Variants in DNAI3 observed in about 807,000 individuals in gnomAD.
The protein encoded by DNAI3 is WD repeat domain 63.
Under a neutral mutation model 115.5 loss-of-function variants are expected in DNAI3, and 83 were observed. That is an observed-to-expected ratio of 0.72 (90% CI 0.60 to 0.86). The LOEUF is 0.86. Ranked by LOEUF, DNAI3 falls within the 40% of genes least tolerant of loss-of-function variation. The pLI is 0.00. For missense variants in DNAI3, 1,004 were observed against 1,075.8 expected (o/e 0.93, Z 0.93); for synonymous variants, 320 against 347.0 (o/e 0.92, Z 0.86).
Position 85,132,868 on chromosome 1 carries a change from AGTCAAAAG to A in DNAI3, c.2547_2554del (p.Ser850ThrfsTer5). On this transcript the variant is annotated frameshift_variant, in exon 23 of 23. Transcript: ENST00000294664. LOFTEE classifies it low-confidence loss of function (END_TRUNC). ...TTCCCCCCCCAGAAAACATATCAGA[AGTCAAAAG>A]AACAAATGCAGGCTGAATTAAAAAT... 6.2e-7 allele frequency: 1 copy of A among 1,613,550 alleles called. No homozygotes were observed. The highest frequency in any genetic ancestry group is 8.5e-7 in the Non-Finnish European group (1 of 1,179,804).
chr1:85,119,656 C>T (rs1655933381), intron 17 of DNAI3, among the ~76,000 whole-genome samples: 1 of 152,090 alleles, frequency 6.6e-6, no homozygotes. Flanking sequence ...TTATCTGCAC[C>T]AACCTCCCTC....
In DNAI3 at chr1:85,082,387, A is replaced by G. The variant is rs1270600949; in HGVS notation, c.373A>G (p.Lys125Glu). 1 of 1,612,748 alleles carries G rather than the reference A, an allele frequency of 6.2e-7. No homozygotes were observed. The highest frequency in any genetic ancestry group is 1.7e-5 in the Admixed American group (1 of 60,008). ...TTATCTTATTGCAACTGAAGAGGGCAAAGAAAACTATTTAAATGTGAGCAA... is the reference window on the plus strand; with the variant it reads ...TTATCTTATTGCAACTGAAGAGGGCGAAGAAAACTATTTAAATGTGAGCAA... ...NFYLIATEEG[K>E]ENYLNPPEVP... Residue 125 changes from lysine (K) to glutamate (E), a missense_variant, in exon 5 of 23, where the codon AAA becomes GAA. This residue lies in a region of DNAI3 where 550 missense variants were observed against 568.1 expected (regional missense o/e 0.97). Transcript: ENST00000294664.
At chr1:85,123,134 T>G (rs1018406148) in intron 18 of DNAI3, among the ~76,000 whole-genome samples, 2 of 152,206 alleles carry the variant, frequency 1.3e-5, no homozygotes, top group African/African-American at 4.8e-5. Context: ...GTCCTGTCAA[T>G]TCTAGCTCAC....
chr1:85,091,108 G>A (rs1770691), intron 8 of DNAI3, among the ~76,000 whole-genome samples: 72,515 of 151,850 alleles, frequency 0.48, 17,686 homozygotes, highest in East Asian at 0.7. Flanking sequence ...TTTGCCACTC[G>A]CAGGAAGGAT....
At chr1:85,123,382 A>T (rs1279714511) in intron 18 of DNAI3, among the ~76,000 whole-genome samples, 1 of 152,222 alleles carries the variant, frequency 6.6e-6, no homozygotes, top group East Asian at 1.9e-4. Flanking sequence ...TACAAGGCCC[A>T]GCATGGCCTA....
At chr1:85,113,606 A>G (rs1264865145) in intron 16 of DNAI3, among the ~76,000 whole-genome samples, 1 of 152,028 alleles carries the variant, frequency 6.6e-6, no homozygotes, top group Non-Finnish European at 1.5e-5. Context: ...TAGCTTTATA[A>G]TTAGTCTTGA....
intron 19 of DNAI3, 73 bp from the exon 20 acceptor site, chr1:85,126,438 G>A: frequency 6.8e-7 from 1 of 1,465,416 alleles, no homozygotes; most frequent in Non-Finnish European, 9.2e-7. Context: ...TGTACTTAAT[G>A]AACAGCATGG....
intron 3 of DNAI3, among the ~76,000 whole-genome samples, chr1:85,076,640 T>C (rs1285877730): frequency 6.6e-6 from 1 of 152,116 alleles, no homozygotes; most frequent in East Asian, 1.9e-4. Flanking sequence ...AAACTTCCCT[T>C]TATAAAACCA....
At chr1:85,101,634 G>A (rs1655317700) in intron 13 of DNAI3, among the ~76,000 whole-genome samples, 1 of 146,238 alleles carries the variant, frequency 6.8e-6, no homozygotes, top group Non-Finnish European at 1.5e-5. Context: ...AGGCTGAGGC[G>A]GGAGAATGGT....
At chr1:85,078,518 C>T (rs1300292699) in intron 3 of DNAI3, among the ~76,000 whole-genome samples, 2 of 152,168 alleles carry the variant, frequency 1.3e-5, no homozygotes, top group Admixed American at 6.5e-5. Flanking sequence ...TTGGAGCAAC[C>T]AGCCTCCCAC....
chr1:85,071,282 G>A (rs1654264228), intron 1 of DNAI3, among the ~76,000 whole-genome samples: 1 of 152,162 alleles, frequency 6.6e-6, no homozygotes, highest in African/African-American at 2.4e-5. Flanking sequence ...AACAGAATGG[G>A]ACAAAGGTGA....
At chr1:85,104,426 G>A in intron 13 of DNAI3, 98 bp from the exon 14 acceptor site, 1 of 1,086,058 alleles carries the variant, frequency 9.2e-7, no homozygotes, top group East Asian at 2.6e-5. Context: ...CGGCCGGTAT[G>A]TTCTTTTATT....
intron 14 of DNAI3, among the ~76,000 whole-genome samples, chr1:85,105,903 G>T (rs533267864): frequency 6.6e-6 from 1 of 152,144 alleles, no homozygotes; most frequent in Non-Finnish European, 1.5e-5. Context: ...CTTGAGTGAC[G>T]ATCCCAACCT....
chr1:85,094,147 A>C (rs1655060790), intron 9 of DNAI3: 1 of 441,812 alleles, frequency 2.3e-6, no homozygotes, highest in African/African-American at 2.0e-5. Context: ...CTTTTCTCAC[A>C]AAAAAGAAAC....
chr1:85,088,515 A>G (rs1423786645), intron 7 of DNAI3, among the ~76,000 whole-genome samples: 1 of 152,180 alleles, frequency 6.6e-6, no homozygotes, highest in Non-Finnish European at 1.5e-5. Context: ...AAAATCAAAG[A>G]TGAAGTTCAA....
chr1:85,129,590 G>A (rs930521818), intron 21 of DNAI3, among the ~76,000 whole-genome samples: 2 of 152,102 alleles, frequency 1.3e-5, no homozygotes, highest in Non-Finnish European at 2.9e-5. Context: ...AGATTTAGAA[G>A]GAAGAAGGAA....
chr1:85,120,253 A>AGTG, intron 17 of DNAI3, among the ~76,000 whole-genome samples: 2 of 152,294 alleles, frequency 1.3e-5, no homozygotes, highest in East Asian at 3.9e-4. Context: ...ATGTTCAGGG[A>AGTG]GGCATCACTG....
At chr1:85,063,555 G>A (rs1439374035) in intron 1 of DNAI3, among the ~76,000 whole-genome samples, 2 of 152,190 alleles carry the variant, frequency 1.3e-5, no homozygotes, top group Non-Finnish European at 2.9e-5. Flanking sequence ...GTCTCACAAT[G>A]CTTTTAAAAA....
chr1:85,101,615 C>G (rs548165386), intron 13 of DNAI3, among the ~76,000 whole-genome samples: 7 of 150,896 alleles, frequency 4.6e-5, no homozygotes, highest in Non-Finnish European at 1.0e-4. Flanking sequence ...GTAGTCCCAG[C>G]TACTCCAGAG....
Sources: gnomAD v4.1 joint callset for allele counts (sites outside exome capture counted in the v4.1 genomes callset) on GRCh38, gnomAD v4.1.1 for gene constraint, gnomAD v4.1.1 regional missense constraint, MANE v1.5 for transcripts, NCBI Gene and HGNC (gene_info 2026-07-23, HGNC 2026-07-21) for gene names.